The following ARHGAP23 variants were observed in gnomAD, a reference collection of about 807,000 sequenced individuals.
ARHGAP23 encodes the protein Rho GTPase activating protein 23.
ARHGAP23 carries 34 observed loss-of-function variants against 136.3 expected under a neutral mutation model. That is an observed-to-expected ratio of 0.25 (90% CI 0.19 to 0.33). The LOEUF is 0.33. Ranked by LOEUF, ARHGAP23 falls within the 10% of genes least tolerant of loss-of-function variation. The pLI is 1.00. For missense variants in ARHGAP23, 1,808 were observed against 2,139.0 expected (o/e 0.85, Z 3.05); for synonymous variants, 832 against 920.5 (o/e 0.90, Z 1.74).
intron 20 of ARHGAP23, among the ~76,000 whole-genome samples, chr17:38,494,011 G>A (rs1265203673): frequency 1.4e-5 from 2 of 140,378 alleles, no homozygotes; most frequent in African/African-American, 4.9e-5. Context: ...AGTCTTTCTT[G>A]TGGGAGGCTG....
chr17:38,490,050 A>T (rs12937928), intron 17 of ARHGAP23, 52 bp from the exon 18 acceptor site: 3 of 1,526,100 alleles, frequency 2.0e-6, no homozygotes, highest in Non-Finnish European at 2.7e-6. Flanking sequence ...GGCCGGGAGA[A>T]CAGGGGAAGG....
At position 38,512,056 on chromosome 17, in the gene ARHGAP23, AC is replaced by A. The variant is rs2040775184; in HGVS notation, c.*1087del. 1 of 152,180 alleles carries A rather than the reference AC, an allele frequency of 6.6e-6. No homozygotes were observed. Among genetic ancestry groups the A allele is most frequent in the Non-Finnish European group, 1.5e-5 (1 of 68,048 alleles). 9.4% of individuals were successfully genotyped at this position (152,180 alleles called of 1,614,324 possible). The stretch of plus-strand genomic sequence containing the variant: ...CCAGGGAAGCCCAGGTAGGTGGTGA[AC>A]CCGCTGCCACGTCTATCAGTCCTCT... On this transcript the variant is annotated 3_prime_UTR_variant, in exon 24 of 24. Transcript: ENST00000622683.
chr17:38,496,540 G>A (rs1895889084), intron 20 of ARHGAP23, among the ~76,000 whole-genome samples: 1 of 152,146 alleles, frequency 6.6e-6, no homozygotes, highest in African/African-American at 2.4e-5. Context: ...CTTGCCGAAG[G>A]TCATCTCTTT....
At chr17:38,465,655 C>G (rs969882131) in intron 6 of ARHGAP23, among the ~76,000 whole-genome samples, 1 of 152,220 alleles carries the variant, frequency 6.6e-6, no homozygotes, top group African/African-American at 2.4e-5. Context: ...CCTTCTCACC[C>G]CTGTGGCTCA....
intron 1 of ARHGAP23, among the ~76,000 whole-genome samples, chr17:38,434,947 G>A (rs6503616): frequency 6.6e-6 from 1 of 152,056 alleles, no homozygotes; most frequent in South Asian, 2.1e-4. Flanking sequence ...CCCACCTCCC[G>A]CATAGAGTCT....
chr17:38,473,011 A>C (rs1327857321), intron 11 of ARHGAP23, among the ~76,000 whole-genome samples: 1 of 151,898 alleles, frequency 6.6e-6, no homozygotes, highest in Non-Finnish European at 1.5e-5. Flanking sequence ...ATCTCGGCTC[A>C]CTACAACCTC....
chr17:38,508,664 C>CGGA (rs1000741687), intron 23 of ARHGAP23, among the ~76,000 whole-genome samples: 8 of 151,928 alleles, frequency 5.3e-5, no homozygotes, highest in Admixed American at 1.3e-4. Context: ...GAGGGCCTGC[C>CGGA]GGAGGAGGAG....
At chr17:38,509,629 T>G (rs1235629757) in intron 23 of ARHGAP23, among the ~76,000 whole-genome samples, 1 of 152,054 alleles carries the variant, frequency 6.6e-6, no homozygotes, top group Non-Finnish European at 1.5e-5. Context: ...GTGGAGAGAT[T>G]GTCATCACCA....
At chr17:38,490,620 C>T (rs1016315396) in intron 19 of ARHGAP23, 69 bp downstream of exon 19, 20 of 1,277,554 alleles carry the variant, frequency 1.6e-5, no homozygotes, top group South Asian at 7.6e-5. Context: ...GCCCTCAGCA[C>T]GCACTGAGCT....
intron 1 of ARHGAP23, among the ~76,000 whole-genome samples, chr17:38,431,540 C>T (rs1019711933): frequency 6.6e-6 from 1 of 152,190 alleles, no homozygotes; most frequent in Non-Finnish European, 1.5e-5. Flanking sequence ...CCAGGCCCCC[C>T]TGTTTCTTGT....
At chr17:38,449,313 G>A (rs2039105183) in intron 1 of ARHGAP23, among the ~76,000 whole-genome samples, 2 of 152,190 alleles carry the variant, frequency 1.3e-5, no homozygotes, top group Admixed American at 1.3e-4. Context: ...CACTGGGTCT[G>A]GGGAGACCCT....
intron 19 of ARHGAP23, 48 bp from the exon 20 acceptor site, chr17:38,491,359 G>A (rs895913949): frequency 1.3e-6 from 2 of 1,548,838 alleles, no homozygotes; most frequent in African/African-American, 2.7e-5. Flanking sequence ...GAGTGAGGGA[G>A]GACTGAGGTC....
intron 1 of ARHGAP23, among the ~76,000 whole-genome samples, chr17:38,442,250 T>C (rs112142205): frequency 0.99 from 150,631 of 152,284 alleles, 74,518 homozygotes; most frequent in Middle Eastern, 1. Flanking sequence ...TGAGCCACCA[T>C]GCCCGGCCCC....
At chr17:38,453,965 C>T (rs2039260507) in intron 1 of ARHGAP23, 1 of 145,154 alleles carries the variant, frequency 6.9e-6, no homozygotes, top group South Asian at 2.1e-4. Context: ...CGGGAGCCCC[C>T]GCCGGCCGCG....
At chr17:38,427,146 G>T (rs1208698294), upstream of ARHGAP23, among the ~76,000 whole-genome samples, 3 of 151,474 alleles carry the variant, frequency 2.0e-5, no homozygotes, top group Admixed American at 6.6e-5. Context: ...ATAGTAGAAA[G>T]AATTTTCTAG....
chr17:38,471,736 C>T (rs751091454), intron 10 of ARHGAP23, 127 bp from the exon 11 acceptor site: 214 of 1,105,750 alleles, frequency 1.9e-4, no homozygotes, highest in Non-Finnish European at 2.5e-4. Flanking sequence ...CCCATGAGGT[C>T]GCACAGCACA....
rs551285022 is a variant in ARHGAP23 at position 38,484,574 on chromosome 17, C to T, written c.2908-1488C>T. Among the ~76,000 whole-genome samples the T allele has an allele frequency of 6.6e-5, 10 of 152,148 alleles. No homozygotes were observed. The South Asian group carries it at 1.9e-3, about 28-fold the overall frequency. ...GGCTGGGGTGAGGGCAGACACTTCA[C>T]TCTGGAGGAACCAGGAAGCACTGGC... On this transcript the variant is annotated intron_variant, in intron 16 of 23. Transcript: ENST00000622683.
chr17:38,482,473 C>T, intron 15 of ARHGAP23, 50 bp from the exon 16 acceptor site: 4 of 1,485,048 alleles, frequency 2.7e-6, no homozygotes, highest in Non-Finnish European at 3.6e-6. Flanking sequence ...TTGGCCTCCC[C>T]AGCTCCTCTG....
chr17:38,482,678 G>C lies in ARHGAP23; in HGVS notation c.2907G>C (p.Glu969Asp), dbSNP rs2040073651. ...CTGGTGACATCAACCTGCAGGATGA[G>C]GTGGGTGAAGCTGGGGGGTCTGTGG... The part of the protein sequence containing the change: ...RGPGDINLQD[E>D]RWQDLNVISS... Residue 969 changes from glutamate (E) to aspartate (D), a missense_variant and splice_region_variant, in exon 16 of 24, where the codon GAG (glutamate) becomes GAC (aspartate). By Grantham distance (45) the Glu-to-Asp change is conservative. Around this residue, in one of 7 missense-constraint regions of ARHGAP23, gnomAD observed 105 missense variants for 200.6 expected, o/e 0.52. Coordinates refer to ENST00000622683, the MANE Select transcript of ARHGAP23 (RefSeq NM_001199417.2). 4 of 1,546,756 alleles carry C rather than the reference G, an allele frequency of 2.6e-6. No individual in the cohort carries two copies. In the East Asian group the frequency reaches 9.8e-5, roughly 38 times the overall value.
Sources: allele counts gnomAD v4.1 joint callset (sites outside exome capture counted in the v4.1 genomes callset), GRCh38; gene constraint gnomAD v4.1.1; regional missense constraint gnomAD v4.1.1; transcripts MANE v1.5; gene names NCBI Gene and HGNC (gene_info 2026-07-23, HGNC 2026-07-21).